The following UNC80 variants were observed in gnomAD, a reference collection of about 807,000 sequenced individuals.
The protein encoded by UNC80 is unc-80 subunit of NALCN channel complex.
Under a neutral mutation model 384.6 loss-of-function variants are expected in UNC80, and 164 were observed. The observed-to-expected ratio is 0.43, with a 90% confidence interval of 0.38 to 0.49. The LOEUF (loss-of-function observed/expected upper bound fraction) is 0.49, where lower values mean the gene tolerates loss of function less well. UNC80 is among the 20% of genes least tolerant of loss of function. The pLI is 0.00. For missense variants in UNC80, 3,330 were observed against 4,143.0 expected (o/e 0.80, Z 5.39); for synonymous variants, 1,486 against 1,527.8 (o/e 0.97, Z 0.64).
At chr2:209,855,941 C>T (rs932824337) in intron 22 of UNC80, among the ~76,000 whole-genome samples, 1 of 151,930 alleles carries the variant, frequency 6.6e-6, no homozygotes, top group Non-Finnish European at 1.5e-5. Context: ...TTTAGCAATG[C>T]CCTTATTAAT....
intron 22 of UNC80, among the ~76,000 whole-genome samples, chr2:209,863,621 C>G (rs781623970): frequency 2.0e-5 from 3 of 151,650 alleles, no homozygotes; most frequent in Non-Finnish European, 4.4e-5. Flanking sequence ...TCTGCTTGGT[C>G]GATTCAGCTA....
At chr2:209,902,804 G>A (rs1339481231) in intron 28 of UNC80, among the ~76,000 whole-genome samples, 1 of 151,922 alleles carries the variant, frequency 6.6e-6, no homozygotes, top group Non-Finnish European at 1.5e-5. Context: ...ATATGCACTG[G>A]GAAATAGAAA....
In UNC80 at chr2:209,893,706, A is replaced by T. The variant is rs889606623; in HGVS notation, c.4277-457A>T. On this transcript the variant is annotated intron_variant, in intron 26 of 64. Coordinates refer to ENST00000673920, the MANE Select transcript of UNC80 (RefSeq NM_001371986.1). ...AGCAGAGTGGAAGCCACTGCTGACT[A>T]TTGGAGAGAGAAGCACCTTTGGTTC... 3.3e-5 allele frequency among the ~76,000 whole-genome samples: 5 copies of T among 152,256 alleles called. No individual in the cohort carries two copies. The East Asian group carries it at 9.7e-4, about 29-fold the overall frequency.
intron 7 of UNC80, chr2:209,808,835 C>A: frequency 2.9e-6 from 1 of 346,204 alleles, no homozygotes; most frequent in South Asian, 2.4e-5. Flanking sequence ...AGGAAGCTCC[C>A]TGACCCTGAT....
chr2:209,905,631 G>T (rs1216493124), intron 29 of UNC80, among the ~76,000 whole-genome samples: 1 of 152,132 alleles, frequency 6.6e-6, no homozygotes, highest in Non-Finnish European at 1.5e-5. Context: ...AAGCTATGAA[G>T]GTTGTGGTCA....
chr2:209,781,754 G>C (rs551849505), intron 4 of UNC80, among the ~76,000 whole-genome samples: 28 of 152,266 alleles, frequency 1.8e-4, no homozygotes, highest in Admixed American at 1.4e-3. Context: ...TATCCTGCAG[G>C]CTGAGGTCAC....
At chr2:209,860,605 G>A (rs1476172009) in intron 22 of UNC80, among the ~76,000 whole-genome samples, 1 of 152,138 alleles carries the variant, frequency 6.6e-6, no homozygotes, top group Non-Finnish European at 1.5e-5. Context: ...GTTATTTGAT[G>A]GGAATAGCAT....
chr2:209,796,378 T>C (rs2078158385), intron 7 of UNC80: 1 of 152,250 alleles, frequency 6.6e-6, no homozygotes, highest in Non-Finnish European at 1.5e-5. Flanking sequence ...TTGTCTCAGA[T>C]GAGACTTTGG....
In UNC80 at chr2:209,991,849, G is replaced by A. The variant is rs1210055191; in HGVS notation, c.9315-317G>A. On this transcript the variant is annotated intron_variant, in intron 61 of 64. Transcript: ENST00000673920. ...TTCCCTTCCCCTTGGAAAAAAAATT[G>A]AGATTAGAATATGACATCTTATACC... Among the ~76,000 whole-genome samples, 4 of 151,938 alleles carry A rather than the reference G, an allele frequency of 2.6e-5. No individual in the cohort carries two copies. In the East Asian group the frequency reaches 7.8e-4, roughly 30 times the overall value.
At chr2:209,842,090 T>C (rs1298494882) in intron 20 of UNC80, among the ~76,000 whole-genome samples, 1 of 152,176 alleles carries the variant, frequency 6.6e-6, no homozygotes, top group African/African-American at 2.4e-5. Context: ...TCTAAGAATA[T>C]CTCAATTATT....
intron 52 of UNC80, chr2:209,969,473 T>C (rs1458217795): frequency 2.8e-6 from 1 of 362,792 alleles, no homozygotes; most frequent in Non-Finnish European, 5.0e-6. Flanking sequence ...TTTTCTATGA[T>C]GGTAGTCTTA....
At position 209,777,368 on chromosome 2, in the gene UNC80, C is replaced by G. The variant is rs1289499829; in HGVS notation, c.409C>G (p.Arg137Gly). Residue 137 changes from arginine (R) to glycine (G), a missense_variant, in exon 4 of 65, where the codon CGA becomes GGA. Physicochemically the swap from Arg to Gly is moderately radical, Grantham distance 125. Transcript: ENST00000673920. The part of the protein sequence containing the change: ...CNNERFGGTD[R>G]GSSWGGSSSA... ...CAATGAGCGGTTTGGGGGTACAGAC[C>G]GAGGCTCCAGCTGGGGTGGAAGCAG... 1 of 1,614,124 alleles carries G rather than the reference C, an allele frequency of 6.2e-7. No individual in the cohort carries two copies. The highest frequency in any genetic ancestry group is 1.7e-5 in the Admixed American group (1 of 60,016).
At chr2:209,821,640 A>G (rs1238018728) in intron 13 of UNC80, among the ~76,000 whole-genome samples, 1 of 152,110 alleles carries the variant, frequency 6.6e-6, no homozygotes. Flanking sequence ...TCTATTATTA[A>G]TTGTTCCTAA....
intron 18 of UNC80, among the ~76,000 whole-genome samples, chr2:209,837,468 G>A (rs1254935258): frequency 6.6e-6 from 1 of 152,144 alleles, no homozygotes; most frequent in Non-Finnish European, 1.5e-5. Context: ...ACATTTTTGA[G>A]CATGTGTGCA....
At chr2:209,922,457 C>A in intron 35 of UNC80, 74 bp downstream of exon 35, 1 of 1,441,996 alleles carries the variant, frequency 6.9e-7, no homozygotes, top group Non-Finnish European at 9.4e-7. Context: ...ATATCATGAT[C>A]TCACTTGATT....
rs1367845027 is a variant in UNC80 at position 209,820,653 on chromosome 2, G to A, written c.2305G>A (p.Glu769Lys). ...TGGAGGAGGTGGAGGCGGCCCTTAT[G>A]AGAAGAATGATAAGAACCAAGAGAA... ...GGGGGGGGPY[E>K]KNDKNQEKDE... Residue 769 changes from glutamate to lysine, a missense_variant, in exon 13 of 65, where the codon GAG becomes AAG. Transcript: ENST00000673920. 1.9e-6 allele frequency: 3 copies of A among 1,547,194 alleles called. No individual in the cohort carries two copies. The African/African-American group carries it at 4.1e-5, about 21-fold the overall frequency.
chr2:209,777,259 C>T lies in UNC80; in HGVS notation c.300C>T (p.Gly100=). The T allele has an allele frequency of 6.3e-7, 1 of 1,584,370 alleles. No homozygotes were observed. The highest frequency in any genetic ancestry group is 1.2e-5 in the South Asian group (1 of 85,996). Residue 100 remains glycine, a splice_region_variant and synonymous_variant, in exon 4 of 65, where the codon GGC becomes GGT. Transcript: ENST00000673920. ...ATLLSNRNKL[G]HQDKLGVAET... is the part of the protein sequence containing the mutation. ...TGCCTGTGTAATTGTCCCATGCAGG[C>T]CACCAGGATAAATTGGGTGTTGCTG... is the stretch of plus-strand genomic sequence containing the variant.
chr2:209,822,623 A>G (rs1391203262), intron 13 of UNC80, among the ~76,000 whole-genome samples: 2 of 152,208 alleles, frequency 1.3e-5, no homozygotes, highest in Non-Finnish European at 2.9e-5. Flanking sequence ...TGTTCCAACT[A>G]AACTGATAGG....
intron 7 of UNC80, among the ~76,000 whole-genome samples, chr2:209,805,785 C>A (rs888542267): frequency 6.6e-6 from 1 of 152,186 alleles, no homozygotes; most frequent in African/African-American, 2.4e-5. Context: ...ACAACCTAAT[C>A]TCTGAAATGA....
Sources: gnomAD v4.1 joint callset for allele counts (sites outside exome capture counted in the v4.1 genomes callset) on GRCh38, gnomAD v4.1.1 for gene constraint, MANE v1.5 for transcripts, NCBI Gene and HGNC (gene_info 2026-07-23, HGNC 2026-07-21) for gene names.